DRC4: variants seen among roughly 807,000 people sequenced by gnomAD.
DRC4 encodes GAS-11.
At chr16:90,021,874 A>G in the DRC4 span, among the ~76,000 whole-genome samples, 85 of 127,216 alleles carry the variant, frequency 6.7e-4, 4 homozygotes, top group African/African-American at 9.3e-4. Context: ...AAAAAAAAAA[A>G]AAGCACCTGT....
At chr16:90,022,423 A>G in the DRC4 span, among the ~76,000 whole-genome samples, 4 of 152,188 alleles carry the variant, frequency 2.6e-5, no homozygotes. Flanking sequence ...GCGCTGAAGG[A>G]TAGAAGTGAA....
At chr16:90,022,527 T>TGTAGA in the DRC4 span, 2 of 513,846 alleles carry the variant, frequency 3.9e-6, no homozygotes, top group South Asian at 3.5e-5. Context: ...TTTCCCAACG[T>TGTAGA]TCACAACCGG....
At chr16:90,031,020 C>G in the DRC4 span, among the ~76,000 whole-genome samples, 1 of 152,088 alleles carries the variant, frequency 6.6e-6, no homozygotes, top group African/African-American at 2.4e-5. Flanking sequence ...TCTTATATTT[C>G]TTTTGAGAAA....
chr16:90,022,613 G>C, the DRC4 span: 1 of 1,249,940 alleles, frequency 8.0e-7, no homozygotes, highest in Non-Finnish European at 1.0e-6. Context: ...GTCTCGCGAG[G>C]ATCTTGTGAC....
At chr16:90,042,521 G>T in the DRC4 span, 1 of 1,613,690 alleles carries the variant, frequency 6.2e-7, no homozygotes, top group South Asian at 1.1e-5. Context: ...GTATGAGCTG[G>T]CCCAGGTCTG....
chr16:90,040,369 G>T, the DRC4 span: 1 of 1,609,482 alleles, frequency 6.2e-7, no homozygotes, highest in Admixed American at 1.7e-5. Flanking sequence ...GCAGAAGACA[G>T]GGTTCAAGAA....
the DRC4 span, chr16:90,036,910 A>G: frequency 3.6e-6 from 2 of 551,928 alleles, no homozygotes; most frequent in Non-Finnish European, 6.5e-6. Flanking sequence ...TGTCATAGTC[A>G]CTGCCTGCGA....
the DRC4 span, chr16:90,036,280 C>T: frequency 9.6e-7 from 1 of 1,042,370 alleles, no homozygotes; most frequent in Non-Finnish European, 1.4e-6. Context: ...GCTGTTCTGA[C>T]CACAGTGGGC....
At chr16:90,036,523 C>T in the DRC4 span, 24 of 1,611,550 alleles carry the variant, frequency 1.5e-5, no homozygotes, top group Middle Eastern at 1.6e-4. Context: ...AGGCCTTCAC[C>T]GACATTAAGA....
chr16:90,021,921 T>C, the DRC4 span: 1 of 150,168 alleles, frequency 6.7e-6, no homozygotes, highest in African/African-American at 2.4e-5. Flanking sequence ...ACATAGATGG[T>C]TGTATGTAGG....
At chr16:90,032,695 A>T in the DRC4 span, 1 of 1,610,442 alleles carries the variant, frequency 6.2e-7, no homozygotes, top group Non-Finnish European at 8.5e-7. Context: ...AGGTGAGCAG[A>T]TGGTACTCCC....
At chr16:90,037,963 G>GCCC in the DRC4 span, 1 of 901,486 alleles carries the variant, frequency 1.1e-6, no homozygotes, top group South Asian at 1.4e-5. Flanking sequence ...TGGCACCCCT[G>GCCC]CTAGCCAGGG....
At chr16:90,043,154 C>A in the DRC4 span, 5 of 1,578,342 alleles carry the variant, frequency 3.2e-6, no homozygotes, top group Non-Finnish European at 2.6e-6. Context: ...TGGTCCTGAG[C>A]GTGGGGACCC....
the DRC4 span, chr16:90,037,204 C>G: frequency 1.3e-6 from 2 of 1,575,518 alleles, no homozygotes; most frequent in South Asian, 1.2e-5. Flanking sequence ...CTGCTGAGCC[C>G]CTGCCGGGCC....
the DRC4 span, chr16:90,039,985 C>T: frequency 7.5e-6 from 3 of 400,660 alleles, no homozygotes; most frequent in Non-Finnish European, 1.4e-5. Context: ...CAAGACTGGC[C>T]TCGGCCACCC....
the DRC4 span, chr16:90,037,283 G>C: frequency 1.9e-3 from 3,041 of 1,613,844 alleles, 12 homozygotes; most frequent in South Asian, 3.6e-3. Context: ...GAGGGAGATG[G>C]CAGAGGTGTC....
the DRC4 span, chr16:90,044,367 A>G: frequency 2.4e-6 from 1 of 411,544 alleles, no homozygotes; most frequent in Non-Finnish European, 4.9e-6. Context: ...AGCTCAAAGC[A>G]AGTGAGCTCA....
the DRC4 span, chr16:90,029,190 G>GGGGCAGCCTACGGGGCAGGCTGCT: frequency 1.5e-6 from 2 of 1,316,540 alleles, no homozygotes; most frequent in Admixed American, 2.1e-5. Context: ...GGCAGGCTAT[G>GGGGCAGCCTACGGGGCAGGCTGCT]GGGCAGCCTA....
the DRC4 span, among the ~76,000 whole-genome samples, chr16:90,041,631 C>A: frequency 6.6e-6 from 1 of 152,074 alleles, no homozygotes; most frequent in Admixed American, 6.6e-5. Context: ...TGGTGAAACC[C>A]CGTCTCTACT....
Sources: gnomAD v4.1 joint callset for allele counts (sites outside exome capture counted in the v4.1 genomes callset) on GRCh38, gnomAD v4.1.1 for gene constraint, MANE v1.5 for transcripts, NCBI Gene and HGNC (gene_info 2026-07-23, HGNC 2026-07-21) for gene names.